DRAM1: variants seen among roughly 807,000 people sequenced by gnomAD.
DRAM1 encodes DNA damage regulated autophagy modulator 1.
DRAM1 carries 25 observed loss-of-function variants against 28.5 expected under a neutral mutation model. The ratio of observed to expected loss-of-function variants is 0.88; its 90% confidence interval spans 0.64 to 1.23. The LOEUF (loss-of-function observed/expected upper bound fraction) is 1.23, where lower values mean the gene tolerates loss of function less well. Ranked by LOEUF, DRAM1 falls within the 50% of genes most tolerant of loss-of-function variation. DRAM1 has a pLI of 0.00. For synonymous variants in DRAM1, 113 were observed against 114.2 expected (o/e 0.99, Z 0.07); for missense variants, 249 against 299.2 (o/e 0.83, Z 1.24).
chr12:101,885,540 T>G (rs1267482970), intron 1 of DRAM1, among the ~76,000 whole-genome samples: 1 of 149,658 alleles, frequency 6.7e-6, no homozygotes, highest in Admixed American at 6.7e-5. Flanking sequence ...TTTTTTTTTT[T>G]TTTTTTTGAC....
chr12:101,913,967 A>G (rs1194656183), intron 4 of DRAM1, among the ~76,000 whole-genome samples: 7 of 152,148 alleles, frequency 4.6e-5, no homozygotes, highest in African/African-American at 1.4e-4. Flanking sequence ...AACTCTCATC[A>G]TTGAATTTGA....
chr12:101,903,567 T>A lies in DRAM1; in HGVS notation c.342+2134T>A, dbSNP rs556641200. 2.6e-5 allele frequency among the ~76,000 whole-genome samples: 4 copies of A among 152,304 alleles called. No individual in the cohort carries two copies. In the South Asian group the frequency reaches 8.3e-4, roughly 32 times the overall value. ...GAGGTATTGGTCAAAGGGTACCAAGTTTCAGTTAGACTGAATTAATAATTC... is the reference window on the plus strand; with the variant it reads ...GAGGTATTGGTCAAAGGGTACCAAGATTCAGTTAGACTGAATTAATAATTC... On this transcript the variant is annotated intron_variant, in intron 3 of 6. Transcript: ENST00000258534.
At chr12:101,901,590 C>T (rs1873607515) in intron 3 of DRAM1, 157 bp downstream of exon 3, 2 of 863,174 alleles carry the variant, frequency 2.3e-6, no homozygotes, top group South Asian at 1.9e-5. Context: ...AAACCTTTAA[C>T]ATTTGGAAAT....
rs769522942 is a variant in DRAM1, at chr12:101,920,116, T to C, written c.587T>C (p.Val196Ala). Residue 196 changes from valine to alanine, a missense_variant, in exon 6 of 7, where the codon GTA becomes GCA. Val to Ala is a moderately conservative substitution (Grantham distance 64). Around this residue, in one of 3 missense-constraint regions of DRAM1, gnomAD observed 15 missense variants for 39.9 expected, o/e 0.38. Transcript: ENST00000258534. Reference protein sequence around the residue: ...LEWNPREKDYVYHVVSAICEW... With the variant: ...LEWNPREKDYAYHVVSAICEW... Reference sequence around the variant, plus strand: ...TCTTTATTATTGCATTAGGATTATGTATATCACGTAGTGAGTGCGATCTGT... The same window carrying C: ...TCTTTATTATTGCATTAGGATTATGCATATCACGTAGTGAGTGCGATCTGT... 22 of 1,601,040 alleles carry C rather than the reference T, an allele frequency of 1.4e-5. No homozygotes were observed. The highest frequency in any genetic ancestry group is 1.8e-5 in the Non-Finnish European group (21 of 1,174,292).
rs186591250 is a variant in DRAM1, at chr12:101,886,112, T to G, written c.131+8192T>G. ...CATTGACTTTGGTTGCAGTTCTGTT[T>G]TCCAGCACAGTTAGAGATGAAATCC... On this transcript the variant is annotated intron_variant, in intron 1 of 6. Coordinates refer to ENST00000258534, the MANE Select transcript of DRAM1 (RefSeq NM_018370.3). Among the ~76,000 whole-genome samples, 174 of 152,362 alleles carry G rather than the reference T, an allele frequency of 1.1e-3. 2 individuals are homozygous for G. In the South Asian group the frequency reaches 0.023, roughly 20 times the overall value.
chr12:101,897,223 C>T (rs1018398790), intron 1 of DRAM1, among the ~76,000 whole-genome samples: 3 of 150,684 alleles, frequency 2.0e-5, no homozygotes, highest in Non-Finnish European at 3.0e-5. Flanking sequence ...TTTTTGAGAC[C>T]GAGTCTTGCT....
chr12:101,914,626 G>T (rs1476565846), intron 5 of DRAM1, among the ~76,000 whole-genome samples: 2 of 151,812 alleles, frequency 1.3e-5, no homozygotes, highest in Non-Finnish European at 1.5e-5. Context: ...GGGACTACAG[G>T]CACCTGCCAC....
In DRAM1 at chr12:101,894,748, C is replaced by A. The variant is rs112401287; in HGVS notation, c.132-3115C>A. ...CAGAGCACCTAGAGCACCTTCATAT[C>A]GCCACCTCCCTATCTTCCTAAATAT... On this transcript the variant is annotated intron_variant, in intron 1 of 6. Coordinates refer to ENST00000258534, the MANE Select transcript of DRAM1 (RefSeq NM_018370.3). Among the ~76,000 whole-genome samples the A allele has an allele frequency of 2.0e-5, 3 of 152,294 alleles. No individual in the cohort carries two copies. The East Asian group carries it at 5.8e-4, about 29-fold the overall frequency.
At chr12:101,920,608 A>C (rs958738403) in intron 6 of DRAM1, among the ~76,000 whole-genome samples, 1 of 152,204 alleles carries the variant, frequency 6.6e-6, no homozygotes, top group Non-Finnish European at 1.5e-5. Flanking sequence ...AAGTAAATAT[A>C]TCTTTTTTAA....
intron 4 of DRAM1, among the ~76,000 whole-genome samples, chr12:101,912,754 G>A (rs1430508816): frequency 3.0e-5 from 4 of 134,858 alleles, no homozygotes; most frequent in Non-Finnish European, 6.2e-5. Context: ...TTTTTTTTGA[G>A]ACAGAGTCTC....
chr12:101,915,806 C>T (rs1874219845), intron 5 of DRAM1, among the ~76,000 whole-genome samples: 1 of 151,888 alleles, frequency 6.6e-6, no homozygotes, highest in South Asian at 2.1e-4. Context: ...GTGATCTGCC[C>T]TCCTTGGCCT....
chr12:101,890,677 G>A (rs902624026), intron 1 of DRAM1, among the ~76,000 whole-genome samples: 4 of 151,880 alleles, frequency 2.6e-5, no homozygotes, highest in Non-Finnish European at 4.4e-5. Flanking sequence ...CAAGGTATTT[G>A]TATTTGTCAG....
chr12:101,909,527 C>G (rs1463885766), intron 4 of DRAM1, among the ~76,000 whole-genome samples: 2 of 152,120 alleles, frequency 1.3e-5, no homozygotes, highest in Admixed American at 6.5e-5. Flanking sequence ...AAACTCTCCC[C>G]CTCCCTGCAC....
intron 5 of DRAM1, among the ~76,000 whole-genome samples, chr12:101,914,487 T>TC (rs1289716106): frequency 1.0e-4 from 15 of 147,012 alleles, no homozygotes; most frequent in Non-Finnish European, 1.8e-4. Flanking sequence ...TTCTTCTTCT[T>TC]TTTTTTTTTT....
At chr12:101,888,887 G>GA (rs753365548) in intron 1 of DRAM1, among the ~76,000 whole-genome samples, 1 of 142,082 alleles carries the variant, frequency 7.0e-6, no homozygotes, top group Non-Finnish European at 1.5e-5. Context: ...TCACTGCAGC[G>GA]TCTGCCTTCC....
chr12:101,893,163 C>T (rs894983761), intron 1 of DRAM1, among the ~76,000 whole-genome samples: 3 of 152,204 alleles, frequency 2.0e-5, no homozygotes, highest in African/African-American at 7.2e-5. Context: ...TTCTGGTCTA[C>T]AACAAAGGCA....
intron 1 of DRAM1, 144 bp from the exon 2 acceptor site, chr12:101,897,719 G>T: frequency 1.6e-6 from 1 of 637,042 alleles, no homozygotes; most frequent in Non-Finnish European, 2.8e-6. Context: ...AAATACTTTA[G>T]AACAAAATCA....
At chr12:101,882,275 A>AT (rs1321492795) in intron 1 of DRAM1, among the ~76,000 whole-genome samples, 1 of 150,176 alleles carries the variant, frequency 6.7e-6, no homozygotes, top group African/African-American at 2.4e-5. Flanking sequence ...CTCCCGGCTA[A>AT]TTTTTTGTAT....
chr12:101,887,567 G>T (rs1190875102), intron 1 of DRAM1, among the ~76,000 whole-genome samples: 2 of 146,918 alleles, frequency 1.4e-5, no homozygotes, highest in Non-Finnish European at 3.0e-5. Context: ...GTCTCACTCT[G>T]TCACCCAGGC....
Sources: gnomAD v4.1 joint callset for allele counts (sites outside exome capture counted in the v4.1 genomes callset) on GRCh38, gnomAD v4.1.1 for gene constraint, gnomAD v4.1.1 regional missense constraint, MANE v1.5 for transcripts, NCBI Gene and HGNC (gene_info 2026-07-23, HGNC 2026-07-21) for gene names.